NRG3: variants seen among roughly 807,000 people sequenced by gnomAD.
NRG3 encodes the protein pro-neuregulin-3, membrane-bound isoform.
Under a neutral mutation model 66.9 loss-of-function variants are expected in NRG3, and 31 were observed. That is an observed-to-expected ratio of 0.46 (90% CI 0.35 to 0.63). NRG3 has a LOEUF of 0.63. Among genes scored for constraint, NRG3 ranks in the 20% least tolerant of loss-of-function variants. The probability of loss-of-function intolerance (pLI) is 0.00; values close to 1 mark genes in which losing one functional copy is unlikely to be tolerated. For missense variants in NRG3, 910 were observed against 878.9 expected (o/e 1.04, Z -0.45); for synonymous variants, 393 against 359.4 (o/e 1.09, Z -1.06).
chr10:82,672,735 A>G (rs1048798157), intron 2 of NRG3, among the ~76,000 whole-genome samples: 2 of 152,118 alleles, frequency 1.3e-5, no homozygotes, highest in African/African-American at 4.8e-5. Flanking sequence ...TCAAATCTGC[A>G]TGGTTTTTTT....
intron 1 of NRG3, among the ~76,000 whole-genome samples, chr10:81,990,744 G>T (rs1264815984): frequency 6.6e-6 from 1 of 152,014 alleles, no homozygotes; most frequent in Non-Finnish European, 1.5e-5. Flanking sequence ...AGTATTATTG[G>T]TATTTATGCT....
At position 81,934,477 on chromosome 10, in the gene NRG3, T is replaced by C. The variant is rs567610636; in HGVS notation, c.823+58314T>C. On this transcript the variant is annotated intron_variant, in intron 1 of 8. Transcript: ENST00000372141. ...TGTGACACACATAAAGCTTCTATCA[T>C]ACAACAATGGAAATGTCTCTCCTTC... Among the ~76,000 whole-genome samples, 9 of 152,302 alleles carry C rather than the reference T, an allele frequency of 5.9e-5. No individual in the cohort carries two copies. The South Asian group carries it at 1.9e-3, about 32-fold the overall frequency.
intron 1 of NRG3, among the ~76,000 whole-genome samples, chr10:81,995,509 C>A (rs1407709554): frequency 6.6e-6 from 1 of 152,158 alleles, no homozygotes; most frequent in East Asian, 1.9e-4. Context: ...CTGTGGCTGT[C>A]TATTCTGAGG....
chr10:82,394,283 A>G (rs1215569799), intron 2 of NRG3, among the ~76,000 whole-genome samples: 1 of 152,214 alleles, frequency 6.6e-6, no homozygotes, highest in African/African-American at 2.4e-5. Context: ...ACAAAGCAGG[A>G]CTACGATGAG....
At chr10:82,357,621 C>G (rs2083863758) in intron 1 of NRG3, among the ~76,000 whole-genome samples, 1 of 152,164 alleles carries the variant, frequency 6.6e-6, no homozygotes, top group Non-Finnish European at 1.5e-5. Flanking sequence ...CATGTCAACT[C>G]AGTCCTTCTT....
At chr10:82,839,600 G>C in intron 3 of NRG3, among the ~76,000 whole-genome samples, 1 of 150,886 alleles carries the variant, frequency 6.6e-6, no homozygotes, top group Non-Finnish European at 1.5e-5. Flanking sequence ...TAATATTATT[G>C]CTTTCATTTT....
intron 5 of NRG3, among the ~76,000 whole-genome samples, chr10:82,957,095 T>C (rs1423463783): frequency 6.6e-6 from 1 of 152,016 alleles, no homozygotes; most frequent in Non-Finnish European, 1.5e-5. Flanking sequence ...TTTGGGTCAA[T>C]GTTCTGATTC....
At chr10:82,272,619 C>G (rs7894996) in intron 1 of NRG3, among the ~76,000 whole-genome samples, 4 of 151,792 alleles carry the variant, frequency 2.6e-5, no homozygotes, top group African/African-American at 9.7e-5. Flanking sequence ...GGGTTTACGC[C>G]TTTCTACTTT....
At chr10:82,799,813 C>G (rs1201601101) in intron 3 of NRG3, 1 of 152,168 alleles carries the variant, frequency 6.6e-6, no homozygotes, top group Non-Finnish European at 1.5e-5. Flanking sequence ...GAAACATCGG[C>G]CTTTTTCACT....
intron 1 of NRG3, among the ~76,000 whole-genome samples, chr10:82,072,727 GATTT>G (rs1490190413): frequency 6.6e-6 from 1 of 150,438 alleles, no homozygotes; most frequent in African/African-American, 2.4e-5. Context: ...TGTCTTTTCT[GATTT>G]ATTTATTATA....
At chr10:82,060,901 A>G (rs1345357839) in intron 1 of NRG3, among the ~76,000 whole-genome samples, 1 of 152,176 alleles carries the variant, frequency 6.6e-6, no homozygotes, top group African/African-American at 2.4e-5. Context: ...CATTCATGCC[A>G]GTTCGGGTGA....
At position 82,796,279 on chromosome 10, in the gene NRG3, T is replaced by G. The variant is rs549336636; in HGVS notation, c.1027+57629T>G. ...TAGAGAGTATATTGCAAAATCTCCA[T>G]GAACTTAATACTAAAATAAGAGTCT... On this transcript the variant is annotated intron_variant, in intron 3 of 8. Transcript: ENST00000372141. Among the ~76,000 whole-genome samples, 15 of 152,272 alleles carry G rather than the reference T, an allele frequency of 9.9e-5. No homozygotes were observed. The East Asian group carries it at 1.9e-3, about 20-fold the overall frequency.
intron 1 of NRG3, among the ~76,000 whole-genome samples, chr10:82,224,646 G>A (rs780370320): frequency 1.2e-4 from 18 of 152,150 alleles, no homozygotes; most frequent in Non-Finnish European, 2.5e-4. Flanking sequence ...CTTATGCATT[G>A]AAATCTACAT....
chr10:82,125,773 A>C (rs1336702464), intron 1 of NRG3, among the ~76,000 whole-genome samples: 1 of 151,820 alleles, frequency 6.6e-6, no homozygotes, highest in African/African-American at 2.4e-5. Flanking sequence ...GGCTCACTAG[A>C]CCATGCTTAT....
chr10:82,670,158 A>G (rs570961140), intron 2 of NRG3, among the ~76,000 whole-genome samples: 23 of 151,082 alleles, frequency 1.5e-4, no homozygotes, highest in African/African-American at 5.1e-4. Context: ...CTTTCACCCT[A>G]CTCTCCCTCC....
chr10:82,344,059 TTC>T (rs1166289082), intron 1 of NRG3, among the ~76,000 whole-genome samples: 1 of 145,962 alleles, frequency 6.9e-6, no homozygotes, highest in Non-Finnish European at 1.5e-5. Flanking sequence ...TGCTTTTTTT[TTC>T]TTTCTTTTTT....
chr10:82,541,403 C>T (rs1043878604), intron 2 of NRG3, among the ~76,000 whole-genome samples: 13 of 152,076 alleles, frequency 8.5e-5, no homozygotes, highest in Non-Finnish European at 1.5e-4. Flanking sequence ...GGGCTCACGT[C>T]TCCAAAAACT....
At chr10:82,236,023 T>C (rs1455425430) in intron 1 of NRG3, among the ~76,000 whole-genome samples, 7 of 151,388 alleles carry the variant, frequency 4.6e-5, no homozygotes, top group Non-Finnish European at 8.9e-5. Context: ...CACACATACA[T>C]ACACACACAC....
At chr10:82,606,875 C>G (rs996199857) in intron 2 of NRG3, among the ~76,000 whole-genome samples, 3 of 152,168 alleles carry the variant, frequency 2.0e-5, no homozygotes, top group African/African-American at 7.2e-5. Context: ...TGACTCAGCA[C>G]CAAAACGTTG....
Sources: allele counts gnomAD v4.1 joint callset (sites outside exome capture counted in the v4.1 genomes callset), GRCh38; gene constraint gnomAD v4.1.1; transcripts MANE v1.5; gene names NCBI Gene and HGNC (gene_info 2026-07-23, HGNC 2026-07-21).